Variants in RPTOR observed in about 807,000 individuals in gnomAD.
The protein encoded by RPTOR is regulatory-associated protein of mTOR.
In RPTOR, 21 loss-of-function variants were observed where a neutral mutation model predicts 169.9. The ratio of observed to expected loss-of-function variants is 0.12; its 90% CI spans 0.09 to 0.18. RPTOR has a LOEUF of 0.18. Ranked by LOEUF, RPTOR falls within the 10% of genes least tolerant of loss-of-function variation. The probability of loss-of-function intolerance (pLI) is 1.00; values close to 1 mark genes in which losing one functional copy is unlikely to be tolerated. For synonymous variants in RPTOR, 732 were observed against 753.2 expected, an observed-to-expected ratio of 0.97 and a Z score of 0.46; for missense variants, 1,133 against 1,855.9, an observed-to-expected ratio of 0.61 and a Z score of 7.16.
At chr17:80,831,487 G>T (rs1014825639) in intron 9 of RPTOR, among the ~76,000 whole-genome samples, 3 of 152,240 alleles carry the variant, frequency 2.0e-5, no homozygotes, top group Non-Finnish European at 4.4e-5. Context: ...CTGGACACAG[G>T]AGGGAGGCTT....
intron 3 of RPTOR, among the ~76,000 whole-genome samples, chr17:80,673,656 T>C (rs868489405): frequency 2.0e-5 from 3 of 152,340 alleles, no homozygotes; most frequent in South Asian, 2.1e-4. Context: ...TTGTGGTTTG[T>C]CTTCAGGATC....
chr17:80,636,724 A>G (rs2065509874), intron 2 of RPTOR, among the ~76,000 whole-genome samples: 1 of 151,854 alleles, frequency 6.6e-6, no homozygotes, highest in Non-Finnish European at 1.5e-5. Flanking sequence ...CACCCCCGCA[A>G]CACGCCCCAG....
chr17:80,681,800 C>T lies in RPTOR; in HGVS notation c.349-26041C>T, dbSNP rs182512477. On this transcript the variant is annotated intron_variant, in intron 3 of 33. Coordinates refer to ENST00000306801, the MANE Select transcript of RPTOR (RefSeq NM_020761.3). ...TCTTACACCTTCATGAGGTGTACGT[C>T]TCTTACACCTTCTTGAGGTTGAATT... Among the ~76,000 whole-genome samples the T allele has an allele frequency of 1.7e-3, 90 of 52,250 alleles. 3 individuals are homozygous for T. Among genetic ancestry groups the T allele is most frequent in the Admixed American group, 0.011 (80 of 7,098 alleles). 34.3% of individuals were successfully genotyped at this position (52,250 alleles called of 152,430 possible).
chr17:80,607,939 C>T (rs904223389), intron 1 of RPTOR, among the ~76,000 whole-genome samples: 10 of 152,288 alleles, frequency 6.6e-5, no homozygotes, highest in Admixed American at 5.2e-4. Context: ...TTTTGTGCAG[C>T]TGTAAATCCC....
chr17:80,885,812 A>T (rs936013076), intron 17 of RPTOR, among the ~76,000 whole-genome samples: 1 of 152,234 alleles, frequency 6.6e-6, no homozygotes, highest in Non-Finnish European at 1.5e-5. Flanking sequence ...AAGTGCTGAG[A>T]TTACAGGCGT....
At chr17:80,916,576 G>A (rs2068676035) in intron 21 of RPTOR, among the ~76,000 whole-genome samples, 2 of 152,374 alleles carry the variant, frequency 1.3e-5, no homozygotes, top group Non-Finnish European at 2.9e-5. Flanking sequence ...AACAAGCCCA[G>A]TGGGTCCAAG....
intron 13 of RPTOR, among the ~76,000 whole-genome samples, chr17:80,875,597 G>A (rs1341665154): frequency 2.0e-5 from 3 of 152,232 alleles, no homozygotes; most frequent in Non-Finnish European, 2.9e-5. Context: ...AGCCTGTTGA[G>A]AGGGCGGCTT....
chr17:80,762,091 C>T (rs1655304759), intron 6 of RPTOR, among the ~76,000 whole-genome samples: 1 of 152,208 alleles, frequency 6.6e-6, no homozygotes, highest in African/African-American at 2.4e-5. Context: ...TGTTCTCTCA[C>T]TGTTCCAGTC....
intron 3 of RPTOR, among the ~76,000 whole-genome samples, chr17:80,660,294 TAA>T (rs2065712676): frequency 6.7e-6 from 1 of 149,662 alleles, no homozygotes; most frequent in Non-Finnish European, 1.5e-5. Flanking sequence ...AAAAGAATGA[TAA>T]ATGAGAAACA....
At chr17:80,739,118 C>T (rs2066459729) in intron 5 of RPTOR, among the ~76,000 whole-genome samples, 1 of 152,264 alleles carries the variant, frequency 6.6e-6, no homozygotes, top group South Asian at 2.1e-4. Flanking sequence ...ATCTGCCTGG[C>T]CCTGCTTGCT....
chr17:80,733,755 G>T (rs2066411506), intron 5 of RPTOR, among the ~76,000 whole-genome samples: 1 of 152,230 alleles, frequency 6.6e-6, no homozygotes, highest in Admixed American at 6.5e-5. Flanking sequence ...ATTCTAAAGA[G>T]AAAATTCTAG....
intron 3 of RPTOR, among the ~76,000 whole-genome samples, chr17:80,672,640 A>G (rs910473340): frequency 1.3e-4 from 19 of 151,970 alleles, no homozygotes; most frequent in Admixed American, 7.2e-4. Context: ...AACAGAAAAA[A>G]TTAGCCGGGT....
intron 12 of RPTOR, among the ~76,000 whole-genome samples, chr17:80,855,951 C>T (rs752228480): frequency 5.3e-5 from 8 of 152,208 alleles, no homozygotes; most frequent in Non-Finnish European, 8.8e-5. Flanking sequence ...ACTGTCTGCT[C>T]ACCATCATGG....
At chr17:80,658,465 A>G (rs570860168) in intron 3 of RPTOR, among the ~76,000 whole-genome samples, 1 of 152,112 alleles carries the variant, frequency 6.6e-6, no homozygotes, top group African/African-American at 2.4e-5. Flanking sequence ...GTAAGTCTTA[A>G]TATTGGTGCT....
chr17:80,757,056 C>A (rs1451480805), intron 6 of RPTOR, among the ~76,000 whole-genome samples: 1 of 152,078 alleles, frequency 6.6e-6, no homozygotes, highest in African/African-American at 2.4e-5. Flanking sequence ...TGGAAGACTA[C>A]AGTGGGGGCT....
chr17:80,654,560 C>T (rs545097521), intron 3 of RPTOR, among the ~76,000 whole-genome samples: 16 of 152,280 alleles, frequency 1.1e-4, no homozygotes, highest in Admixed American at 2.6e-4. Flanking sequence ...GGATTTAAAG[C>T]GCATAGCAGA....
At chr17:80,866,747 T>C (rs548746639) in intron 13 of RPTOR, among the ~76,000 whole-genome samples, 2 of 152,038 alleles carry the variant, frequency 1.3e-5, no homozygotes, top group South Asian at 4.1e-4. Flanking sequence ...AATAGCACTA[T>C]GCTTCTTTTT....
intron 1 of RPTOR, among the ~76,000 whole-genome samples, chr17:80,563,113 C>A (rs1349451707): frequency 6.6e-6 from 1 of 152,186 alleles, no homozygotes; most frequent in East Asian, 1.9e-4. Context: ...AGGGCTCAGG[C>A]TCCAGAGAAC....
chr17:80,805,396 G>C (rs1254842573), intron 7 of RPTOR: 1 of 152,366 alleles, frequency 6.6e-6, no homozygotes, highest in East Asian at 1.9e-4. Flanking sequence ...GCCTCCGGAG[G>C]GAAGTGCTCC....
Sources: allele counts gnomAD v4.1 joint callset (sites outside exome capture counted in the v4.1 genomes callset), GRCh38; gene constraint gnomAD v4.1.1; transcripts MANE v1.5; gene names NCBI Gene and HGNC (gene_info 2026-07-23, HGNC 2026-07-21).